The following HPRT1 variants were observed in gnomAD, a reference collection of about 807,000 sequenced individuals.
HPRT1 encodes hypoxanthine phosphoribosyltransferase 1.
HPRT1 carries 4 observed loss-of-function variants against 19.0 expected under a neutral mutation model. The observed-to-expected ratio is 0.21, with a 90% confidence interval of 0.10 to 0.48. The LOEUF (loss-of-function observed/expected upper bound fraction) is 0.48. Among genes scored for constraint, HPRT1 ranks in the 20% least tolerant of loss-of-function variants. The pLI, the probability that HPRT1 is intolerant of heterozygous loss-of-function variation, is 0.98. For synonymous variants in HPRT1, 53 were observed against 54.9 expected (o/e 0.97, Z 0.15); for missense variants, 65 against 164.0 (o/e 0.40, Z 3.30).
chrX:134,497,407 G>A (rs1016855080), intron 6 of HPRT1, among the ~76,000 whole-genome samples: 1 of 110,910 alleles, frequency 9.0e-6, no homozygotes, highest in Non-Finnish European at 1.9e-5. Flanking sequence ...CGAGGTGGAC[G>A]GATCACCTGA....
intron 1 of HPRT1, among the ~76,000 whole-genome samples, chrX:134,468,283 A>G (rs2077602303): frequency 9.0e-6 from 1 of 110,719 alleles, no homozygotes; most frequent in African/African-American, 3.3e-5. Context: ...AGTGATAAGG[A>G]TACAGGTTCT....
chrX:134,486,428 GATAT>G, intron 3 of HPRT1, 33 bp from the exon 4 acceptor site: 13 of 671,574 alleles, frequency 1.9e-5, no homozygotes, highest in Admixed American at 1.2e-4. Context: ...TGTGTGTGTA[GATAT>G]ATATATATAT....
At chrX:134,461,234 G>T (rs17885117) in intron 1 of HPRT1, among the ~76,000 whole-genome samples, 36 of 111,315 alleles carry the variant, frequency 3.2e-4, no homozygotes, top group Non-Finnish European at 4.7e-4. Flanking sequence ...TGTTGTTTTG[G>T]CAATGACCTG....
At chrX:134,491,167 C>T (rs1008752625) in intron 5 of HPRT1, among the ~76,000 whole-genome samples, 2 of 109,119 alleles carry the variant, frequency 1.8e-5, no homozygotes, top group African/African-American at 6.7e-5. Context: ...TTAGCCATCA[C>T]TCCCCATTTC....
Position 134,500,501 on chromosome X carries a change from A to G in HPRT1, c.*424A>G, listed in dbSNP as rs1477163478. On this transcript the variant is annotated 3_prime_UTR_variant, in exon 9 of 9. Transcript: ENST00000298556. ...GTGTTAGAAAAGTAAGAAGCAGTCA[A>G]TTTTCACATCAAAGACAGCATCTAA... The G allele has an allele frequency of 4.2e-5, 5 of 118,754 alleles. No individual in the cohort carries two copies. Among genetic ancestry groups the G allele is most frequent in the Non-Finnish European group, 8.8e-5 (5 of 57,005 alleles). 9.8% of individuals were successfully genotyped at this position (118,754 alleles called of 1,213,427 possible).
chrX:134,480,176 T>C (rs780820568), intron 3 of HPRT1, among the ~76,000 whole-genome samples: 27 of 111,448 alleles, frequency 2.4e-4, no homozygotes, highest in Non-Finnish European at 5.1e-4. Flanking sequence ...TCATTTACAT[T>C]TGAGAACAGT....
Position 134,493,527 on chromosome X carries a change from A to G in HPRT1, c.422A>G (p.Lys141Arg), listed in dbSNP as rs2077673164. 17 of 1,205,094 alleles carry G rather than the reference A, an allele frequency of 1.4e-5. No individual in the cohort carries two copies. Among genetic ancestry groups the G allele is most frequent in the Middle Eastern group, 2.3e-4 (1 of 4,360 alleles). ...TGAAAGGATATAATTGACACTGGCAAAACAATGCAGACTTTGCTTTCCTTG... is the reference window on the plus strand; with the variant it reads ...TGAAAGGATATAATTGACACTGGCAGAACAATGCAGACTTTGCTTTCCTTG... ...LIVEDIIDTG[K>R]TMQTLLSLVR... The change falls in exon 6 of 9, where the codon AAA becomes AGA. Residue 141 changes from lysine to arginine, a missense_variant. Coordinates refer to ENST00000298556, the MANE Select transcript of HPRT1 (RefSeq NM_000194.3).
intron 3 of HPRT1, among the ~76,000 whole-genome samples, chrX:134,483,554 C>T (rs868593341): frequency 4.5e-5 from 5 of 111,096 alleles, no homozygotes; most frequent in African/African-American, 1.3e-4. Flanking sequence ...GGAGATAGGA[C>T]GGTAGAGGAG....
At chrX:134,476,319 G>A (rs953211541) in intron 3 of HPRT1, among the ~76,000 whole-genome samples, 1 of 112,097 alleles carries the variant, frequency 8.9e-6, no homozygotes, top group African/African-American at 3.2e-5. Flanking sequence ...TATTATTATA[G>A]ACATTTTCAC....
At chrX:134,490,491 T>A (rs1196073417) in intron 5 of HPRT1, among the ~76,000 whole-genome samples, 1 of 60,238 alleles carries the variant, frequency 1.7e-5, no homozygotes, top group African/African-American at 1.4e-4. Context: ...ATATATATCT[T>A]ATATTTTATG....
chrX:134,491,998 T>C (rs779173854), intron 5 of HPRT1, among the ~76,000 whole-genome samples: 71 of 98,711 alleles, frequency 7.2e-4, no homozygotes, highest in Middle Eastern at 5.0e-3. Context: ...TATATATATA[T>C]ACACACATAT....
At chrX:134,491,941 G>C (rs2077667672) in intron 5 of HPRT1, among the ~76,000 whole-genome samples, 1 of 98,940 alleles carries the variant, frequency 1.0e-5, no homozygotes, top group Non-Finnish European at 2.0e-5. Context: ...ATATATGTGT[G>C]TGTGTGTATA....
intron 6 of HPRT1, among the ~76,000 whole-genome samples, chrX:134,494,816 A>G (rs187982422): frequency 8.9e-6 from 1 of 111,819 alleles, no homozygotes; most frequent in East Asian, 2.8e-4. Flanking sequence ...GAATTGAGAT[A>G]GACTGGTTCG....
chrX:134,499,740 C>T (rs1406540581), intron 8 of HPRT1, among the ~76,000 whole-genome samples: 1 of 107,827 alleles, frequency 9.3e-6, no homozygotes, highest in Admixed American at 9.9e-5. Flanking sequence ...GGAGGCAGAG[C>T]TTGCAGTGAG....
chrX:134,461,742 G>GA (rs1214372457), intron 1 of HPRT1, among the ~76,000 whole-genome samples: 1 of 111,893 alleles, frequency 8.9e-6, no homozygotes, highest in Non-Finnish European at 1.9e-5. Context: ...CCATTTTACA[G>GA]ATGAGGAACC....
chrX:134,496,743 T>TAA (rs377295385), intron 6 of HPRT1, among the ~76,000 whole-genome samples: 1 of 111,818 alleles, frequency 8.9e-6, no homozygotes, highest in African/African-American at 3.3e-5. Flanking sequence ...ACCTGAGAGT[T>TAA]AAAAAACCAG....
intron 4 of HPRT1, among the ~76,000 whole-genome samples, chrX:134,487,395 C>CT (rs201821236): frequency 0.14 from 14,732 of 103,967 alleles, 981 homozygotes; most frequent in African/African-American, 0.23. Flanking sequence ...AATGCTACTG[C>CT]TTTTTTTTTT....
At chrX:134,475,393 T>C (rs1420916527) in intron 3 of HPRT1, 29 bp downstream of exon 3, 1 of 951,389 alleles carries the variant, frequency 1.1e-6, no homozygotes, top group Non-Finnish European at 1.5e-6. Flanking sequence ...TGATTCTTTT[T>C]AGTGGCAACA....
rs1422192312 is a variant in HPRT1, at chrX:134,483,486, A to G, written c.319-2979A>G. 2.7e-5 allele frequency among the ~76,000 whole-genome samples: 3 copies of G among 111,860 alleles called. No homozygotes were observed. In the Admixed American group the frequency reaches 2.9e-4, roughly 11 times the overall value. On this transcript the variant is annotated intron_variant, in intron 3 of 8. Coordinates refer to ENST00000298556, the MANE Select transcript of HPRT1 (RefSeq NM_000194.3). Reference sequence around the variant, plus strand: ...AAGAGCTTCTCTGGCAATTTTATGTAGTTGACAGTGACGCTCTGAGTTCAG... The same window carrying G: ...AAGAGCTTCTCTGGCAATTTTATGTGGTTGACAGTGACGCTCTGAGTTCAG...
Sources: gnomAD v4.1 joint callset for allele counts (sites outside exome capture counted in the v4.1 genomes callset) on GRCh38, gnomAD v4.1.1 for gene constraint, MANE v1.5 for transcripts, NCBI Gene and HGNC (gene_info 2026-07-23, HGNC 2026-07-21) for gene names.